The following HM13 variants were observed in gnomAD, a reference collection of about 807,000 sequenced individuals.
HM13 encodes the protein signal peptide peptidase.
A neutral mutation model predicts 50.0 loss-of-function variants in HM13; 18 were observed. That is an observed-to-expected ratio of 0.36 (90% CI 0.25 to 0.53). HM13 has a LOEUF of 0.53. HM13 is among the 20% of genes least tolerant of loss of function. The pLI is 0.90. For synonymous variants in HM13, 197 were observed against 232.6 expected, an observed-to-expected ratio of 0.85 and a Z score of 1.39; for missense variants, 393 against 552.4, an observed-to-expected ratio of 0.71 and a Z score of 2.89.
chr20:31,523,138 C>T lies in HM13; in HGVS notation c.184-4346C>T, dbSNP rs577679163. On this transcript the variant is annotated intron_variant, in intron 1 of 12. Transcript: ENST00000398174. ...CGATCCCCACTCACTACGGCCTCCA[C>T]CTCCCGGGTTCAAGCAATTCTCCTG... is the stretch of plus-strand genomic sequence containing the variant. 3.9e-5 allele frequency among the ~76,000 whole-genome samples: 6 copies of T among 151,988 alleles called. No homozygotes were observed. In the East Asian group the frequency reaches 1.2e-3, roughly 29 times the overall value.
intron 7 of HM13, among the ~76,000 whole-genome samples, chr20:31,553,648 T>C (rs770895583): frequency 1.3e-5 from 2 of 151,996 alleles, no homozygotes; most frequent in Non-Finnish European, 2.9e-5. Flanking sequence ...CTCTTCTGCT[T>C]GCAAGGCCCT....
intron 3 of HM13, among the ~76,000 whole-genome samples, chr20:31,544,714 A>G (rs933193221): frequency 6.6e-6 from 1 of 152,192 alleles, no homozygotes; most frequent in Non-Finnish European, 1.5e-5. Context: ...AGAAATCACT[A>G]TGAGTGCAAA....
intron 7 of HM13, among the ~76,000 whole-genome samples, chr20:31,552,666 G>A (rs1984091763): frequency 6.6e-6 from 1 of 152,150 alleles, no homozygotes; most frequent in South Asian, 2.1e-4. Flanking sequence ...GTGTGGCCTT[G>A]GGGAGAAGAC....
At chr20:31,536,752 C>T (rs1015958044) in intron 2 of HM13, among the ~76,000 whole-genome samples, 7 of 152,164 alleles carry the variant, frequency 4.6e-5, no homozygotes, top group Non-Finnish European at 8.8e-5. Context: ...GCACCTGCTC[C>T]CTTCGTTTAT....
rs73233690 is a variant in HM13, at chr20:31,565,197, G to A, written c.949-1013G>A. ...AAAAAAAAAAGAAAGAAACTCTTTGGGCTGGGCGTGGTGCCTCAGGCCTAT... is the reference window on the plus strand; with the variant it reads ...AAAAAAAAAAGAAAGAAACTCTTTGAGCTGGGCGTGGTGCCTCAGGCCTAT... On this transcript the variant is annotated intron_variant, in intron 10 of 12. Coordinates refer to ENST00000398174, the MANE Select transcript of HM13 (RefSeq NM_178581.3). Among the ~76,000 whole-genome samples, 116 of 151,664 alleles carry A rather than the reference G, an allele frequency of 7.6e-4. 1 individual carries two copies. Among genetic ancestry groups the A allele is most frequent in the Middle Eastern group, 6.8e-3 (2 of 294 alleles).
At chr20:31,563,785 T>A (rs1310130504) in intron 10 of HM13, among the ~76,000 whole-genome samples, 4 of 152,088 alleles carry the variant, frequency 2.6e-5, no homozygotes, top group Non-Finnish European at 5.9e-5. Context: ...ACGTTAAGAA[T>A]GAAGTCTCCG....
intron 2 of HM13, among the ~76,000 whole-genome samples, chr20:31,529,954 A>C (rs1208979569): frequency 6.6e-6 from 1 of 151,908 alleles, no homozygotes; most frequent in East Asian, 1.9e-4. Context: ...CGACACAGCG[A>C]GACTCTGTCT....
intron 3 of HM13, 88 bp from the exon 4 acceptor site, chr20:31,544,859 G>A (rs1269617217): frequency 1.0e-6 from 1 of 984,106 alleles, no homozygotes; most frequent in Non-Finnish European, 1.6e-6. Context: ...CAGCTGTAAG[G>A]GTGCCAGCTG....
chr20:31,527,529 C>G lies in HM13; in HGVS notation c.229C>G (p.Arg77Gly). The G allele has an allele frequency of 3.7e-6, 6 of 1,614,120 alleles. No homozygotes were observed. Among genetic ancestry groups the G allele is most frequent in the Non-Finnish European group, 5.1e-6 (6 of 1,180,014 alleles). The part of the protein sequence containing the change: ...PETITSRDAA[R>G]FPIIASCTLL... ...AACAATCACCAGCCGGGATGCCGCCCGCTTCCCCATCATCGCCAGCTGCAC... is the reference window on the plus strand; with the variant it reads ...AACAATCACCAGCCGGGATGCCGCCGGCTTCCCCATCATCGCCAGCTGCAC... Residue 77 changes from arginine (R) to glycine (G), a missense_variant, in exon 2 of 13, where the codon CGC becomes GGC. Physicochemically the swap from Arg to Gly is moderately radical, Grantham distance 125. Transcript: ENST00000398174.
At chr20:31,542,315 C>T (rs527755995) in intron 3 of HM13, among the ~76,000 whole-genome samples, 76 of 152,292 alleles carry the variant, frequency 5.0e-4, no homozygotes, top group Non-Finnish European at 8.2e-4. Context: ...TGTCTGAGCT[C>T]GTGCCCCACC....
chr20:31,515,061 A>T (rs1981690696), intron 1 of HM13, among the ~76,000 whole-genome samples: 1 of 152,076 alleles, frequency 6.6e-6, no homozygotes, highest in Non-Finnish European at 1.5e-5. Flanking sequence ...TCGGGCACTG[A>T]TTGTTCTGAG....
chr20:31,538,453 C>T, intron 3 of HM13, 192 bp downstream of exon 3: 1 of 1,429,428 alleles, frequency 7.0e-7, no homozygotes, highest in Admixed American at 2.8e-5. Context: ...GCCACAGTTT[C>T]CTTATAGACA....
At chr20:31,561,535 C>A (rs114337223) in intron 9 of HM13, 99 bp from the exon 10 acceptor site, 12 of 825,460 alleles carry the variant, frequency 1.5e-5, no homozygotes, top group Non-Finnish European at 1.9e-5. Flanking sequence ...GTCACCCCCC[C>A]ACAACCTCTA....
At chr20:31,547,096 A>C (rs1157810827) in intron 4 of HM13, among the ~76,000 whole-genome samples, 1 of 152,130 alleles carries the variant, frequency 6.6e-6, no homozygotes, top group Non-Finnish European at 1.5e-5. Flanking sequence ...TTCCCTGTCC[A>C]TTTAGCTATA....
chr20:31,565,331 T>A (rs1272567275), intron 10 of HM13, among the ~76,000 whole-genome samples: 1 of 151,062 alleles, frequency 6.6e-6, no homozygotes, highest in Non-Finnish European at 1.5e-5. Flanking sequence ...ATACAAAAAT[T>A]AGCCAGGCGT....
At chr20:31,533,800 A>G (rs1055026759) in intron 2 of HM13, among the ~76,000 whole-genome samples, 1 of 152,194 alleles carries the variant, frequency 6.6e-6, no homozygotes, top group African/African-American at 2.4e-5. Context: ...CTCTCTCTCA[A>G]GGACTTTCAC....
chr20:31,556,192 C>G (rs948000832), intron 8 of HM13, among the ~76,000 whole-genome samples: 1 of 151,590 alleles, frequency 6.6e-6, no homozygotes, highest in African/African-American at 2.4e-5. Context: ...GCATGCACCA[C>G]CACGCCCGGC....
At chr20:31,569,037 G>C in intron 12 of HM13, 83 bp from the exon 13 acceptor site, 2 of 933,014 alleles carry the variant, frequency 2.1e-6, no homozygotes, top group Non-Finnish European at 3.3e-6. Context: ...CCTAGGATGG[G>C]GGTGGGGGAA....
At chr20:31,555,804 A>C (rs1296145954) in intron 8 of HM13, among the ~76,000 whole-genome samples, 2 of 149,506 alleles carry the variant, frequency 1.3e-5, no homozygotes, top group Non-Finnish European at 3.0e-5. Flanking sequence ...CCTCATCTCT[A>C]CAAAAAAAAA....
Sources: gnomAD v4.1 joint callset for allele counts (sites outside exome capture counted in the v4.1 genomes callset) on GRCh38, gnomAD v4.1.1 for gene constraint, MANE v1.5 for transcripts, NCBI Gene and HGNC (gene_info 2026-07-23, HGNC 2026-07-21) for gene names.